EFHC2: variants seen among roughly 807,000 people sequenced by gnomAD.
EFHC2 encodes EF-hand domain-containing family member C2.
EFHC2 carries 18 observed loss-of-function variants against 52.7 expected under a neutral mutation model. That is an observed-to-expected ratio of 0.34 (90% CI 0.24 to 0.51). The LOEUF is 0.51. Among genes scored for constraint, EFHC2 ranks in the 20% least tolerant of loss-of-function variants. The pLI, the probability that EFHC2 is intolerant of heterozygous loss-of-function variation, is 0.97. For synonymous variants in EFHC2, 203 were observed against 204.1 expected (o/e 0.99, Z 0.04); for missense variants, 513 against 562.5 (o/e 0.91, Z 0.89).
intron 11 of EFHC2, among the ~76,000 whole-genome samples, chrX:44,207,624 A>G (rs1048532729): frequency 1.8e-5 from 2 of 113,012 alleles, no homozygotes; most frequent in African/African-American, 6.4e-5. Flanking sequence ...CCTCAAAAGC[A>G]AATGTAACAA....
chrX:44,187,519 A>G (rs369062448), intron 11 of EFHC2, among the ~76,000 whole-genome samples: 44 of 105,838 alleles, frequency 4.2e-4, no homozygotes, highest in African/African-American at 1.7e-3. Flanking sequence ...ATTTGTCTGT[A>G]TTTACAATTA....
chrX:44,160,746 C>A (rs1334541960), intron 14 of EFHC2, among the ~76,000 whole-genome samples: 1 of 110,533 alleles, frequency 9.0e-6, no homozygotes, highest in East Asian at 2.8e-4. Context: ...ATGGTGAAAA[C>A]CTGTCTCTAT....
intron 11 of EFHC2, among the ~76,000 whole-genome samples, chrX:44,213,921 T>C (rs1033359548): frequency 1.8e-5 from 2 of 112,029 alleles, no homozygotes; most frequent in African/African-American, 6.5e-5. Flanking sequence ...ATTTTATTTT[T>C]GGTTTACAAC....
chrX:44,298,783 C>T (rs1021877340), intron 2 of EFHC2, among the ~76,000 whole-genome samples: 4 of 102,502 alleles, frequency 3.9e-5, no homozygotes, highest in African/African-American at 1.5e-4. Flanking sequence ...ATTGCATGAA[C>T]CCAGGAGGTA....
chrX:44,235,228 T>C (rs2037309802), intron 9 of EFHC2, 77 bp downstream of exon 9: 1 of 914,876 alleles, frequency 1.1e-6, no homozygotes, highest in African/African-American at 2.0e-5. Context: ...CAAAATCAGA[T>C]CATGTTCCCT....
At chrX:44,251,963 T>G (rs991141950) in intron 4 of EFHC2, among the ~76,000 whole-genome samples, 1 of 112,060 alleles carries the variant, frequency 8.9e-6, no homozygotes, top group African/African-American at 3.2e-5. Context: ...ATAATTTGTC[T>G]TTTCACTGGG....
chrX:44,310,167 G>T, intron 2 of EFHC2: 1 of 692,680 alleles, frequency 1.4e-6, no homozygotes, highest in Non-Finnish European at 2.4e-6. Flanking sequence ...CACCTCCTCG[G>T]TGGTCCAGAA....
chrX:44,177,966 A>AC (rs1169796088), intron 12 of EFHC2, among the ~76,000 whole-genome samples: 1 of 107,867 alleles, frequency 9.3e-6, no homozygotes, highest in Non-Finnish European at 1.9e-5. Context: ...TACTAAAAAT[A>AC]CAAAAAAAAA....
chrX:44,192,061 A>AGTGT (rs3037410), intron 11 of EFHC2, among the ~76,000 whole-genome samples: 12,204 of 95,226 alleles, frequency 0.13, 815 homozygotes, highest in African/African-American at 0.21. Context: ...CACATATGTA[A>AGTGT]GTGTGTGTGT....
intron 1 of EFHC2, among the ~76,000 whole-genome samples, chrX:44,333,727 G>A (rs1370573296): frequency 9.1e-6 from 1 of 110,307 alleles, no homozygotes; most frequent in African/African-American, 3.3e-5. Flanking sequence ...AAAAAAACAA[G>A]ATAATTTCCC....
chrX:44,250,589 C>G (rs1440403457), intron 4 of EFHC2, 144 bp from the exon 5 acceptor site: 1 of 693,730 alleles, frequency 1.4e-6, no homozygotes, highest in East Asian at 3.9e-5. Context: ...TTTTGGGAGG[C>G]CAAGGCGGGA....
At chrX:44,330,218 T>C (rs2038078725) in intron 1 of EFHC2, among the ~76,000 whole-genome samples, 2 of 110,167 alleles carry the variant, frequency 1.8e-5, no homozygotes, top group South Asian at 3.9e-4. Context: ...ATTGTGCCAC[T>C]GCACTCCAGC....
intron 11 of EFHC2, among the ~76,000 whole-genome samples, chrX:44,224,933 G>A (rs867296860): frequency 1.9e-4 from 21 of 108,871 alleles, no homozygotes; most frequent in Non-Finnish European, 3.4e-4. Flanking sequence ...TGCTGCTGCT[G>A]CCTGTGGTTC....
At chrX:44,235,264 A>C in intron 9 of EFHC2, 41 bp downstream of exon 9, 1 of 1,069,338 alleles carries the variant, frequency 9.4e-7, no homozygotes, top group East Asian at 3.4e-5. Flanking sequence ...GAGACACTTA[A>C]AATGTTCTCA....
chrX:44,340,640 C>A (rs1206913947), intron 1 of EFHC2, among the ~76,000 whole-genome samples: 3 of 110,254 alleles, frequency 2.7e-5, no homozygotes, highest in African/African-American at 9.9e-5. Flanking sequence ...GCCTGGGCAA[C>A]AGAGCAAGAC....
intron 1 of EFHC2, among the ~76,000 whole-genome samples, chrX:44,319,919 A>C (rs995962645): frequency 7.2e-5 from 8 of 110,714 alleles, no homozygotes; most frequent in Non-Finnish European, 1.3e-4. Context: ...GTTTTTATTT[A>C]TTTTATTTAT....
chrX:44,322,105 A>C (rs953460757), intron 1 of EFHC2, among the ~76,000 whole-genome samples: 1 of 106,609 alleles, frequency 9.4e-6, no homozygotes, highest in African/African-American at 3.4e-5. Context: ...TGCCTAGAAC[A>C]GAGAATAAAA....
intron 11 of EFHC2, among the ~76,000 whole-genome samples, chrX:44,191,306 G>A (rs1323137707): frequency 9.0e-6 from 1 of 110,724 alleles, no homozygotes; most frequent in African/African-American, 3.3e-5. Context: ...TGTGATCTCA[G>A]CTCACTGTAA....
At chrX:44,339,056 T>C (rs762048332) in intron 1 of EFHC2, among the ~76,000 whole-genome samples, 8 of 111,444 alleles carry the variant, frequency 7.2e-5, no homozygotes, top group Non-Finnish European at 1.5e-4. Flanking sequence ...CCAGGCGTGG[T>C]GGCACACACC....
Sources: gnomAD v4.1 joint callset for allele counts (sites outside exome capture counted in the v4.1 genomes callset) on GRCh38, gnomAD v4.1.1 for gene constraint, MANE v1.5 for transcripts, NCBI Gene and HGNC (gene_info 2026-07-23, HGNC 2026-07-21) for gene names.